PRR5: variants seen among roughly 807,000 people sequenced by gnomAD.
PRR5 encodes the protein proline rich 5.
A neutral mutation model predicts 30.6 loss-of-function variants in PRR5; 25 were observed. That is an observed-to-expected ratio of 0.82 (90% CI 0.60 to 1.14). The LOEUF is 1.14. Among genes scored for constraint, PRR5 ranks in the 50% most tolerant of loss-of-function variants. The pLI is 0.00. For synonymous variants in PRR5, 286 were observed against 247.1 expected (o/e 1.16, Z -1.48); for missense variants, 600 against 547.1 (o/e 1.10, Z -0.96).
intron 2 of PRR5, among the ~76,000 whole-genome samples, chr22:44,724,736 C>T (rs1930428691): frequency 6.6e-6 from 1 of 152,208 alleles, no homozygotes; most frequent in Non-Finnish European, 1.5e-5. Flanking sequence ...GCCTCTCTTG[C>T]CTCCCCTGTA....
chr22:44,670,554 G>C (rs1923365280), intron 1 of PRR5, among the ~76,000 whole-genome samples: 1 of 152,266 alleles, frequency 6.6e-6, no homozygotes, highest in African/African-American at 2.4e-5. Context: ...AGCACACCAT[G>C]GTGTGGGTGG....
chr22:44,723,805 A>G (rs1388431091), intron 2 of PRR5, among the ~76,000 whole-genome samples: 1 of 152,200 alleles, frequency 6.6e-6, no homozygotes, highest in Non-Finnish European at 1.5e-5. Context: ...TTTTTCATTG[A>G]TGTGCTGCAC....
chr22:44,733,784 C>G (rs1922674935), intron 6 of PRR5, among the ~76,000 whole-genome samples: 1 of 152,114 alleles, frequency 6.6e-6, no homozygotes, highest in Admixed American at 6.6e-5. Context: ...GGAGTCCCAC[C>G]TACTCATTGT....
At chr22:44,729,017 C>G (rs1029852662) in intron 4 of PRR5, among the ~76,000 whole-genome samples, 2 of 152,208 alleles carry the variant, frequency 1.3e-5, no homozygotes, top group African/African-American at 2.4e-5. Flanking sequence ...TCGGCTCCAG[C>G]TGCAGCCAAG....
intron 1 of PRR5, among the ~76,000 whole-genome samples, chr22:44,678,146 G>A (rs918528902): frequency 6.6e-6 from 1 of 152,084 alleles, no homozygotes. Flanking sequence ...GGATGGTCGG[G>A]TCATCTCCAA....
chr22:44,696,362 G>A (rs1368581144), intron 1 of PRR5, among the ~76,000 whole-genome samples: 2 of 152,166 alleles, frequency 1.3e-5, no homozygotes, highest in African/African-American at 4.8e-5. Flanking sequence ...CCTATTGAGA[G>A]ACTAGAATCA....
intron 4 of PRR5, chr22:44,730,891 TG>T: frequency 2.2e-6 from 1 of 459,780 alleles, no homozygotes; most frequent in South Asian, 1.7e-5. Flanking sequence ...CGATCACCCC[TG>T]GCTACTGCCC....
intron 1 of PRR5, among the ~76,000 whole-genome samples, chr22:44,711,614 C>G (rs1287108850): frequency 1.4e-4 from 22 of 152,164 alleles, no homozygotes; most frequent in Non-Finnish European, 3.1e-4. Context: ...GGGCCCACTG[C>G]GAGCCTTGGA....
At chr22:44,704,712 C>T (rs534205060) in intron 1 of PRR5, among the ~76,000 whole-genome samples, 2 of 149,480 alleles carry the variant, frequency 1.3e-5, no homozygotes, top group African/African-American at 4.9e-5. Context: ...GAGGTATTAC[C>T]AGCACCCCCC....
chr22:44,700,466 A>G (rs920589940), upstream of PRR5, among the ~76,000 whole-genome samples: 4 of 152,176 alleles, frequency 2.6e-5, no homozygotes, highest in Admixed American at 6.5e-5. Flanking sequence ...GCCATCACAC[A>G]CGCAAAAAAT....
At chr22:44,685,225 G>T (rs566287061) in intron 1 of PRR5, among the ~76,000 whole-genome samples, 2 of 152,292 alleles carry the variant, frequency 1.3e-5, no homozygotes, top group South Asian at 2.1e-4. Flanking sequence ...GTGAGCATGT[G>T]TCCTTTACCC....
intron 2 of PRR5, among the ~76,000 whole-genome samples, chr22:44,717,488 G>A (rs796153168): frequency 4.6e-5 from 7 of 151,584 alleles, no homozygotes; most frequent in African/African-American, 1.7e-4. Context: ...CACCATGCCC[G>A]GTATCCAGGA....
Position 44,736,975 on chromosome 22 carries a change from CCCGGCCAGGGCCCCA to C in PRR5, c.900_914del (p.Gln301_Gly305del). On this transcript the variant is annotated inframe_deletion, in exon 8 of 8. Coordinates refer to ENST00000336985, the MANE Select transcript of PRR5 (RefSeq NM_181333.4). ...CGAGCCTCAGGGCTTCTCCGACCCG[CCCGGCCAGGGCCCCA>C]CCGGGACCTTCAGGTCCTCCCCGGC... 1.9e-6 allele frequency: 3 copies of C among 1,601,532 alleles called. No homozygotes were observed. The highest frequency in any genetic ancestry group is 2.6e-6 in the Non-Finnish European group (3 of 1,174,804).
At chr22:44,731,703 C>T (rs527340936) in intron 4 of PRR5, 27 bp from the exon 5 acceptor site, 1 of 1,611,568 alleles carries the variant, frequency 6.2e-7, no homozygotes, top group South Asian at 1.1e-5. Context: ...CAGTCAGGCC[C>T]AGTGGTGATG....
intron 2 of PRR5, among the ~76,000 whole-genome samples, chr22:44,720,165 G>A (rs370109255): frequency 2.0e-5 from 3 of 152,228 alleles, no homozygotes; most frequent in Admixed American, 6.5e-5. Flanking sequence ...CTGTCAGGGA[G>A]CCCGTGCTCA....
chr22:44,692,808 C>G (rs1925401620), intron 1 of PRR5, among the ~76,000 whole-genome samples: 1 of 152,230 alleles, frequency 6.6e-6, no homozygotes, highest in African/African-American at 2.4e-5. Flanking sequence ...CGGGGATGTT[C>G]CCCGGGCCTG....
chr22:44,737,349 G>T lies in PRR5; in HGVS notation c.*102G>T. 1 of 1,464,408 alleles carries T rather than the reference G, an allele frequency of 6.8e-7. No individual in the cohort carries two copies. Among genetic ancestry groups the T allele is most frequent in the Non-Finnish European group, 9.0e-7 (1 of 1,109,938 alleles). The allele number at this position is 1,464,408 out of a possible 1,614,324, so 90.7% of individuals were successfully genotyped here. A position where few individuals can be genotyped will look rare whatever the true frequency, so the allele number is the denominator to read the frequency against. On this transcript the variant is annotated 3_prime_UTR_variant, in exon 8 of 8. Coordinates refer to ENST00000336985, the MANE Select transcript of PRR5 (RefSeq NM_181333.4). ...AGACTTTTTTACTGCGTCCCGTCCC[G>T]CCAGCCCTATCGGCCTCGTCACTGG...
rs1254377445 is a variant in PRR5 at position 44,737,047 on chromosome 22, T to A, written c.967T>A (p.Tyr323Asn). 1.2e-6 allele frequency: 2 copies of A among 1,607,336 alleles called. No homozygotes were observed. Among genetic ancestry groups the A allele is most frequent in the Non-Finnish European group, 8.5e-7 (1 of 1,177,674 alleles). Reference protein sequence around the residue: ...PHSGPCPSRLYPTTQPPEQGL... With the variant: ...PHSGPCPSRLNPTTQPPEQGL... ...CTCAGGGCCCTGCCCCAGCAGACTG[T>A]ACCCCACGACCCAGCCCCCTGAGCA... The change falls in exon 8 of 8, where the codon TAC becomes AAC. Residue 323 changes from tyrosine to asparagine, a missense_variant. Physicochemically the swap from Tyr to Asn is moderately radical, Grantham distance 143. Transcript: ENST00000336985.
intron 1 of PRR5, among the ~76,000 whole-genome samples, chr22:44,695,761 G>A (rs947666883): frequency 3.3e-5 from 5 of 151,650 alleles, no homozygotes; most frequent in Non-Finnish European, 7.4e-5. Flanking sequence ...AACATGCCCA[G>A]CTAATTTTTT....
Sources: allele counts gnomAD v4.1 joint callset (sites outside exome capture counted in the v4.1 genomes callset), GRCh38; gene constraint gnomAD v4.1.1; transcripts MANE v1.5; gene names NCBI Gene and HGNC (gene_info 2026-07-23, HGNC 2026-07-21).